The following SDK1 variants were observed in gnomAD, a reference collection of about 807,000 sequenced individuals.
SDK1 encodes the protein protein sidekick-1.
SDK1 carries 157 observed loss-of-function variants against 245.5 expected under a neutral mutation model. The observed-to-expected ratio is 0.64, with a 90% CI of 0.56 to 0.73. The LOEUF (loss-of-function observed/expected upper bound fraction) is 0.73, where lower values mean the gene tolerates loss of function less well. Ranked by LOEUF, SDK1 falls within the 30% of genes least tolerant of loss-of-function variation. SDK1 has a pLI of 0.00. For synonymous variants in SDK1, 1,647 were observed against 1,278.5 expected (o/e 1.29, Z -6.15); for missense variants, 3,583 against 3,002.3 (o/e 1.19, Z -4.52).
intron 35 of SDK1, among the ~76,000 whole-genome samples, chr7:4,179,564 ATGC>A (rs1027865743): frequency 1.3e-5 from 2 of 152,196 alleles, no homozygotes; most frequent in African/African-American, 2.4e-5. Context: ...ACAAATGAGG[ATGC>A]GTGGAGAGAG....
At chr7:3,742,045 G>T (rs545755552) in intron 4 of SDK1, among the ~76,000 whole-genome samples, 1 of 146,494 alleles carries the variant, frequency 6.8e-6, no homozygotes, top group Non-Finnish European at 1.5e-5. Flanking sequence ...TAGAATTAGC[G>T]CTTAAAATAG....
intron 28 of SDK1, among the ~76,000 whole-genome samples, chr7:4,136,881 C>T (rs1446860359): frequency 6.6e-6 from 1 of 152,238 alleles, no homozygotes; most frequent in Non-Finnish European, 1.5e-5. Context: ...GATCCCCAGC[C>T]CTTGGATGGA....
intron 4 of SDK1, among the ~76,000 whole-genome samples, chr7:3,654,927 A>G (rs1698887001): frequency 6.6e-6 from 1 of 152,168 alleles, no homozygotes; most frequent in African/African-American, 2.4e-5. Context: ...GTTGCACATA[A>G]TTGCAGTTCA....
intron 17 of SDK1, 63 bp from the exon 18 acceptor site, chr7:4,049,285 C>T: frequency 1.6e-6 from 2 of 1,271,452 alleles, no homozygotes; most frequent in Non-Finnish European, 2.3e-6. Context: ...TCCTTTCTGT[C>T]TCTCCACCCC....
intron 1 of SDK1, among the ~76,000 whole-genome samples, chr7:3,307,132 C>G (rs779697208): frequency 3.9e-5 from 6 of 152,146 alleles, no homozygotes; most frequent in Admixed American, 6.5e-5. Context: ...ATACATTTAA[C>G]CCAAAGTAAC....
chr7:4,051,056 CAT>C (rs913840466), intron 18 of SDK1, among the ~76,000 whole-genome samples: 5 of 137,548 alleles, frequency 3.6e-5, no homozygotes, highest in South Asian at 2.2e-4. Context: ...GTATACTATA[CAT>C]ATATATGTTA....
intron 1 of SDK1, among the ~76,000 whole-genome samples, chr7:3,450,361 A>G (rs1222738968): frequency 6.6e-6 from 1 of 152,180 alleles, no homozygotes; most frequent in African/African-American, 2.4e-5. Context: ...TGGATGAGGT[A>G]TTATTAAGCC....
intron 1 of SDK1, among the ~76,000 whole-genome samples, chr7:3,318,202 T>C (rs1378151590): frequency 1.3e-5 from 2 of 152,214 alleles, no homozygotes; most frequent in African/African-American, 2.4e-5. Context: ...CACACATGGG[T>C]ATACCTTGTT....
intron 1 of SDK1, among the ~76,000 whole-genome samples, chr7:3,358,429 G>GTTTTTTTTTTTTTTTTTTTTT (rs10713399): frequency 6.9e-6 from 1 of 145,950 alleles, no homozygotes; most frequent in Non-Finnish European, 1.5e-5. Flanking sequence ...TCATTACAAC[G>GTTTTTTTTTTTTTTTTTTTTT]TTTTTTTTTT....
chr7:3,357,250 A>G (rs1407577497), intron 1 of SDK1, among the ~76,000 whole-genome samples: 1 of 142,574 alleles, frequency 7.0e-6, no homozygotes, highest in Non-Finnish European at 1.5e-5. Flanking sequence ...GTTGATGTAT[A>G]TGTGCACACT....
intron 1 of SDK1, among the ~76,000 whole-genome samples, chr7:3,477,261 T>C (rs1052949662): frequency 2.9e-5 from 4 of 136,456 alleles, no homozygotes; most frequent in African/African-American, 1.1e-4. Flanking sequence ...AGCGGCGCGA[T>C]CTTGGCTCAG....
chr7:4,198,686 C>A (rs1313574773), intron 35 of SDK1, among the ~76,000 whole-genome samples: 2 of 152,182 alleles, frequency 1.3e-5, no homozygotes, highest in Non-Finnish European at 2.9e-5. Flanking sequence ...AGTTGTGCGA[C>A]TCCCACCTTA....
intron 5 of SDK1, among the ~76,000 whole-genome samples, chr7:3,834,708 C>T (rs549566371): frequency 6.6e-6 from 1 of 152,294 alleles, no homozygotes; most frequent in East Asian, 1.9e-4. Flanking sequence ...AATTGTTTTT[C>T]ATCACCCACT....
At chr7:3,809,631 T>A (rs1371898721) in intron 4 of SDK1, among the ~76,000 whole-genome samples, 1 of 152,244 alleles carries the variant, frequency 6.6e-6, no homozygotes, top group Non-Finnish European at 1.5e-5. Flanking sequence ...AGCAGTTCAC[T>A]CTGCTCATAA....
chr7:3,530,512 T>A (rs1783305674), intron 1 of SDK1, among the ~76,000 whole-genome samples: 2 of 152,126 alleles, frequency 1.3e-5, no homozygotes, highest in South Asian at 4.2e-4. Context: ...ATGTAAGGAG[T>A]TGATAGAACT....
chr7:4,233,091 G>T, intron 40 of SDK1, 164 bp from the exon 41 acceptor site: 1 of 610,580 alleles, frequency 1.6e-6, no homozygotes, highest in Middle Eastern at 2.8e-4. Context: ...TCTTCGACTT[G>T]CGAAACTGAG....
At chr7:3,351,873 A>T (rs141375660) in intron 1 of SDK1, among the ~76,000 whole-genome samples, 83 of 152,248 alleles carry the variant, frequency 5.5e-4, no homozygotes, top group African/African-American at 2.0e-3. Context: ...AACATGATCA[A>T]TGAACAAATC....
At position 4,145,758 on chromosome 7, in the gene SDK1, C is replaced by T. The variant is rs780904562; in HGVS notation, c.4265C>T (p.Pro1422Leu). The stretch of plus-strand genomic sequence containing the variant: ...GCCTACCGCCTGGCCAGCAGCAGCC[C>T]CCACACCTTCACCACCGTGGAGGTC... ...QIAYRLASSS[P>L]HTFTTVEVGA... Residue 1422 changes from proline (P) to leucine (L), a missense_variant, in exon 29 of 45, where the codon CCC (proline) becomes CTC (leucine). Transcript: ENST00000404826. 1.9e-6 allele frequency: 3 copies of T among 1,612,546 alleles called. No individual in the cohort carries two copies. The highest frequency in any genetic ancestry group is 1.7e-4 in the Middle Eastern group (1 of 6,046).
At chr7:3,657,437 T>C (rs1355672376) in intron 4 of SDK1, among the ~76,000 whole-genome samples, 1 of 152,112 alleles carries the variant, frequency 6.6e-6, no homozygotes, top group African/African-American at 2.4e-5. Flanking sequence ...GGAGCGTCAC[T>C]GTCTGGAAAT....
Sources: allele counts gnomAD v4.1 joint callset (sites outside exome capture counted in the v4.1 genomes callset), GRCh38; gene constraint gnomAD v4.1.1; transcripts MANE v1.5; gene names NCBI Gene and HGNC (gene_info 2026-07-23, HGNC 2026-07-21).